The following NREP variants were observed in gnomAD, a reference collection of about 807,000 sequenced individuals.
The protein encoded by NREP is neuronal regeneration related protein.
NREP carries 5 observed loss-of-function variants against 8.6 expected under a neutral mutation model. The ratio of observed to expected loss-of-function variants is 0.58; its 90% CI spans 0.30 to 1.22. NREP has a LOEUF of 1.22. Ranked by LOEUF, NREP falls within the 50% of genes most tolerant of loss-of-function variation. The pLI is 0.07. For missense variants in NREP, 86 were observed against 82.5 expected (o/e 1.04, Z -0.17); for synonymous variants, 27 against 28.0 (o/e 0.96, Z 0.11).
chr5:111,884,465 CTCATTTT>C (rs1252231870), intron 2 of NREP, among the ~76,000 whole-genome samples: 1 of 152,132 alleles, frequency 6.6e-6, no homozygotes, highest in African/African-American at 2.4e-5. Context: ...TCCTCCCTAA[CTCATTTT>C]ATGAGGCCAG....
At chr5:111,932,589 A>G (rs1007567553) in intron 2 of NREP, among the ~76,000 whole-genome samples, 3 of 152,078 alleles carry the variant, frequency 2.0e-5, no homozygotes, top group African/African-American at 7.2e-5. Context: ...CTTGTTTCCT[A>G]TTAAACAACA....
In NREP at chr5:111,805,357, T is replaced by C. The variant is rs149021012; in HGVS notation, c.136-69850A>G. ...TAAGACTACAACAACCCAGAAAAAA[T>C]ATGTACAAGGTTATTCATTGCATAT... is the stretch of plus-strand genomic sequence containing the variant. On this transcript the variant is annotated intron_variant, in intron 2 of 3. Transcript: ENST00000395634. Among the ~76,000 whole-genome samples, 449 of 152,136 alleles carry C rather than the reference T, an allele frequency of 3.0e-3. 3 individuals are homozygous for C. The highest frequency in any genetic ancestry group is 7.5e-3 in the African/African-American group (310 of 41,502).
intron 2 of NREP, among the ~76,000 whole-genome samples, chr5:111,962,481 T>C (rs1756507621): frequency 6.6e-6 from 1 of 152,116 alleles, no homozygotes; most frequent in Non-Finnish European, 1.5e-5. Context: ...TGCATCTAAA[T>C]ACCCAATTAA....
At chr5:111,882,214 G>A (rs1175870234) in intron 2 of NREP, among the ~76,000 whole-genome samples, 1 of 152,168 alleles carries the variant, frequency 6.6e-6, no homozygotes, top group Non-Finnish European at 1.5e-5. Context: ...GTGATCAACT[G>A]GAAGAAAGGG....
chr5:111,871,130 G>A (rs185302662), intron 2 of NREP, among the ~76,000 whole-genome samples: 8 of 149,804 alleles, frequency 5.3e-5, no homozygotes, highest in South Asian at 2.1e-4. Context: ...TGAGAAAGGC[G>A]TGTTAGGCAA....
At chr5:111,736,073 T>C (rs1185861141) in intron 2 of NREP, among the ~76,000 whole-genome samples, 1 of 152,138 alleles carries the variant, frequency 6.6e-6, no homozygotes, top group Non-Finnish European at 1.5e-5. Flanking sequence ...CAGAGAATAC[T>C]AGCTGATGAA....
intron 2 of NREP, among the ~76,000 whole-genome samples, chr5:111,829,732 C>T (rs1752717409): frequency 6.6e-6 from 1 of 152,134 alleles, no homozygotes; most frequent in Admixed American, 6.5e-5. Context: ...GGGATAATAG[C>T]CCACTCACCC....
At chr5:111,919,920 A>G (rs999456107) in intron 2 of NREP, among the ~76,000 whole-genome samples, 2 of 147,116 alleles carry the variant, frequency 1.4e-5, no homozygotes, top group Non-Finnish European at 3.0e-5. Context: ...AGAAAGAAAG[A>G]TCTGAACTGT....
chr5:111,931,585 G>T (rs1031360125), intron 2 of NREP, among the ~76,000 whole-genome samples: 2 of 152,102 alleles, frequency 1.3e-5, no homozygotes, highest in Non-Finnish European at 2.9e-5. Context: ...AGCCACTCCA[G>T]AATTTCTGAC....
At chr5:111,870,944 G>T (rs926712704) in intron 2 of NREP, among the ~76,000 whole-genome samples, 1 of 152,060 alleles carries the variant, frequency 6.6e-6, no homozygotes, top group Admixed American at 6.6e-5. Context: ...ATTTTTAAAA[G>T]TACTTTGAAA....
chr5:111,780,925 A>G (rs1751479073), intron 2 of NREP, among the ~76,000 whole-genome samples: 1 of 152,112 alleles, frequency 6.6e-6, no homozygotes, highest in South Asian at 2.1e-4. Context: ...GTTCAGGGGT[A>G]TATGTGCAGG....
At chr5:111,795,202 G>A (rs1324169875) in intron 2 of NREP, among the ~76,000 whole-genome samples, 1 of 152,190 alleles carries the variant, frequency 6.6e-6, no homozygotes, top group Non-Finnish European at 1.5e-5. Flanking sequence ...GGGAAGCAAA[G>A]ATGGATCATT....
intron 2 of NREP, among the ~76,000 whole-genome samples, chr5:111,800,716 G>A (rs2112903636): frequency 6.6e-6 from 1 of 152,336 alleles, no homozygotes; most frequent in Non-Finnish European, 1.5e-5. Context: ...AAAGGTAGAA[G>A]AGGAAAACAA....
chr5:111,823,317 A>T (rs1198042625), intron 2 of NREP, among the ~76,000 whole-genome samples: 2 of 152,168 alleles, frequency 1.3e-5, no homozygotes, highest in African/African-American at 2.4e-5. Context: ...CCAAATTTCA[A>T]CATGAAATTT....
intron 1 of NREP, among the ~76,000 whole-genome samples, chr5:111,756,702 A>G (rs1447624084): frequency 2.0e-5 from 3 of 152,228 alleles, no homozygotes; most frequent in African/African-American, 7.2e-5. Context: ...CCTCGGAAGC[A>G]GCAGCATTGA....
rs1391009700 is a variant in NREP at position 111,777,006 on chromosome 5, GA to G, written c.136-41500del. 1.8e-5 allele frequency among the ~76,000 whole-genome samples: 2 copies of G among 112,866 alleles called. 1 individual carries two copies. Among genetic ancestry groups the G allele is most frequent in the South Asian group, 7.6e-4 (2 of 2,620 alleles). 74.0% of individuals were successfully genotyped at this position (112,866 alleles called of 152,430 possible). A position where few individuals can be genotyped will look rare whatever the true frequency, so the allele number is the denominator to read the frequency against. ...GAAAAAGGATGAGGAGGAGGAGGAG[GA>G]AGGAGGTGGAGGAGGAGGAGGAAGG... On this transcript the variant is annotated intron_variant, in intron 2 of 3. Coordinates refer to the NREP transcript ENST00000395634.
chr5:111,964,385 T>C (rs953930571), intron 2 of NREP, among the ~76,000 whole-genome samples: 3 of 152,136 alleles, frequency 2.0e-5, no homozygotes, highest in African/African-American at 7.2e-5. Flanking sequence ...GGGTTTTCTT[T>C]GAGACAGAGT....
intron 2 of NREP, among the ~76,000 whole-genome samples, chr5:111,910,301 AC>A (rs1366620835): frequency 6.6e-6 from 1 of 152,034 alleles, no homozygotes; most frequent in Non-Finnish European, 1.5e-5. Context: ...TACAGATTGA[AC>A]AAAGAACTTA....
chr5:111,976,644 A>G lies in NREP; in HGVS notation c.30+66T>C, dbSNP rs540653075. The G allele has an allele frequency of 1.6e-5, 21 of 1,337,810 alleles. No homozygotes were observed. The African/African-American group carries it at 2.3e-4, about 15-fold the overall frequency. The allele number at this position is 1,337,810 out of a possible 1,614,324, so 82.9% of individuals were successfully genotyped here. ...TCAGTGAGGCAGAGACAAACATCCTATAATTGTTTTCTTCCTTTAAAAATG... is the reference window on the plus strand; with the variant it reads ...TCAGTGAGGCAGAGACAAACATCCTGTAATTGTTTTCTTCCTTTAAAAATG... On this transcript the variant is annotated intron_variant, in intron 1 of 3. Coordinates refer to the NREP transcript ENST00000395634.
Sources: allele counts gnomAD v4.1 joint callset (sites outside exome capture counted in the v4.1 genomes callset), GRCh38; gene constraint gnomAD v4.1.1; transcripts MANE v1.5; gene names NCBI Gene and HGNC (gene_info 2026-07-23, HGNC 2026-07-21).